Variants in ZNF654 observed in about 807,000 individuals in gnomAD.
The protein encoded by ZNF654 is melanoma-associated antigen.
In ZNF654, 19 loss-of-function variants were observed where a neutral mutation model predicts 95.3. The observed-to-expected ratio is 0.20, with a 90% CI of 0.14 to 0.29. The LOEUF (loss-of-function observed/expected upper bound fraction) is 0.29. Ranked by LOEUF, ZNF654 falls within the 10% of genes least tolerant of loss-of-function variation. The pLI is 1.00. For missense variants in ZNF654, 1,046 were observed against 1,341.0 expected, an observed-to-expected ratio of 0.78 and a Z score of 3.44; for synonymous variants, 413 against 457.9, an observed-to-expected ratio of 0.90 and a Z score of 1.25.
At chr3:88,124,964 C>T (rs1427125037) in intron 3 of ZNF654, among the ~76,000 whole-genome samples, 1 of 151,910 alleles carries the variant, frequency 6.6e-6, no homozygotes, top group African/African-American at 2.4e-5. Context: ...GCCTGTAATC[C>T]CAGCACTTTG....
chr3:88,063,554 A>G (rs1008567873), intron 1 of ZNF654, among the ~76,000 whole-genome samples: 3 of 152,210 alleles, frequency 2.0e-5, no homozygotes, highest in African/African-American at 7.2e-5. Context: ...TTATAGCTCT[A>G]TGAATAGTTT....
chr3:88,126,245 G>A lies in ZNF654; in HGVS notation c.526G>A (p.Ala176Thr). ...TCCAGTGTTGCAAGCTGTCCTTAAA[G>A]CTCAGCCAGCATCTCAGGAGATAGG... ...EDPVLQAVLK[A>T]QPASQEIVNK... is the part of the protein sequence containing the mutation. The change falls in exon 4 of 9, where the codon GCT becomes ACT. Residue 176 changes from alanine to threonine, a missense_variant. This residue lies in a region of ZNF654 where 91 missense variants were observed against 190.5 expected (regional missense o/e 0.48). Transcript: ENST00000636215. 6.6e-7 allele frequency: 1 copy of A among 1,523,154 alleles called. No individual in the cohort carries two copies. Among genetic ancestry groups the A allele is most frequent in the Non-Finnish European group, 8.8e-7 (1 of 1,139,564 alleles). The allele number at this position is 1,523,154 out of a possible 1,614,324, so 94.4% of individuals were successfully genotyped here. A position where few individuals can be genotyped will look rare whatever the true frequency, so the allele number is the denominator to read the frequency against.
chr3:88,129,002 A>G lies in ZNF654; in HGVS notation c.744A>G (p.Leu248=). ...TTATGTCACCTGTAGAAGATCAGCT[A>G]TTCCGGGAGGTATTGTTTGAGACTA... is the stretch of plus-strand genomic sequence containing the variant. The part of the protein sequence containing the change: ...CLFMSPVEDQ[L]FREHLLKTDC... Residue 248 remains leucine (L), a synonymous_variant, in exon 5 of 9, where the codon CTA becomes CTG. Coordinates refer to ENST00000636215, the MANE Select transcript of ZNF654 (RefSeq NM_001350134.2). 1 of 1,532,502 alleles carries G rather than the reference A, an allele frequency of 6.5e-7. No individual in the cohort carries two copies. Among genetic ancestry groups the G allele is most frequent in the Non-Finnish European group, 8.7e-7 (1 of 1,145,012 alleles). The allele number at this position is 1,532,502 out of a possible 1,614,324, so 94.9% of individuals were successfully genotyped here. A position where few individuals can be genotyped will look rare whatever the true frequency, so the allele number is the denominator to read the frequency against.
chr3:88,090,014 C>T (rs530911271), intron 2 of ZNF654, among the ~76,000 whole-genome samples: 7 of 152,248 alleles, frequency 4.6e-5, no homozygotes, highest in East Asian at 1.9e-4. Flanking sequence ...AACAAACCTA[C>T]GGCTCTGCCA....
At chr3:88,082,492 G>T (rs1200384940) in intron 1 of ZNF654, among the ~76,000 whole-genome samples, 2 of 152,214 alleles carry the variant, frequency 1.3e-5, no homozygotes, top group Non-Finnish European at 2.9e-5. Context: ...TTAGTGAACA[G>T]CTTGAATGAC....
Position 88,059,511 on chromosome 3 carries a change from G to T in ZNF654, c.186+6G>T. 1 of 1,466,336 alleles carries T rather than the reference G, an allele frequency of 6.8e-7. No individual in the cohort carries two copies. Among genetic ancestry groups the T allele is most frequent in the Non-Finnish European group, 8.9e-7 (1 of 1,117,366 alleles). 90.8% of individuals were successfully genotyped at this position (1,466,336 alleles called of 1,614,324 possible). On this transcript the variant is annotated splice_donor_region_variant and intron_variant, in intron 1 of 8. Coordinates refer to ENST00000636215, the MANE Select transcript of ZNF654 (RefSeq NM_001350134.2). ...ACTGCCGACGCTTCTGTCAGGTGAG[G>T]CGTCCGTTGGCCGCCCCGACTTGTC... is the stretch of plus-strand genomic sequence containing the variant.
intron 6 of ZNF654, among the ~76,000 whole-genome samples, chr3:88,133,452 G>T (rs1457107566): frequency 6.6e-6 from 1 of 152,182 alleles, no homozygotes; most frequent in East Asian, 1.9e-4. Context: ...TGATAGGCAT[G>T]AAATCAGTAA....
At chr3:88,095,579 G>A (rs748125844) in intron 2 of ZNF654, 8 of 520,250 alleles carry the variant, frequency 1.5e-5, no homozygotes, top group Admixed American at 4.0e-5. Flanking sequence ...AACATAAATT[G>A]CCACAGGAAT....
At chr3:88,080,501 A>G (rs1708023976) in intron 1 of ZNF654, among the ~76,000 whole-genome samples, 1 of 152,134 alleles carries the variant, frequency 6.6e-6, no homozygotes, top group Non-Finnish European at 1.5e-5. Flanking sequence ...GTGATATTAA[A>G]TTCATTTTAT....
chr3:88,059,268 A>ACGG lies in ZNF654; in HGVS notation c.-37_-35dup, dbSNP rs565177779. 3.0e-4 allele frequency: 458 copies of ACGG among 1,531,676 alleles called. 1 individual carries two copies. Among genetic ancestry groups the ACGG allele is most frequent in the South Asian group, 5.1e-4 (43 of 83,764 alleles). 94.9% of individuals were successfully genotyped at this position (1,531,676 alleles called of 1,614,324 possible). ...GAGGAGGAGGTTAGCCTAGGCATCT[A>ACGG]CGGCGGCGGCGGCGGCGCAGGGGCT... is the stretch of plus-strand genomic sequence containing the variant. On this transcript the variant is annotated 5_prime_UTR_variant, in exon 1 of 9. Transcript: ENST00000636215.
At chr3:88,072,169 T>C (rs1240670878) in intron 1 of ZNF654, among the ~76,000 whole-genome samples, 1 of 152,230 alleles carries the variant, frequency 6.6e-6, no homozygotes, top group Non-Finnish European at 1.5e-5. Flanking sequence ...CTAAAGGAAC[T>C]GAATTATCTA....
chr3:88,105,261 C>T (rs1169917498), intron 2 of ZNF654, among the ~76,000 whole-genome samples: 1 of 143,942 alleles, frequency 6.9e-6, no homozygotes, highest in Non-Finnish European at 1.5e-5. Flanking sequence ...TTTAGATAAA[C>T]AGATACATAC....
Position 88,128,891 on chromosome 3 carries a change from A to C in ZNF654, c.633A>C (p.Glu211Asp). 6.5e-7 allele frequency: 1 copy of C among 1,535,716 alleles called. No homozygotes were observed. Among genetic ancestry groups the C allele is most frequent in the Non-Finnish European group, 8.7e-7 (1 of 1,146,634 alleles). Reference sequence around the variant, plus strand: ...TAATTGCTTGTGAACGCATACCCGAAGCAATGGCTCTTATTAAATCTTGTA... The same window carrying C: ...TAATTGCTTGTGAACGCATACCCGACGCAATGGCTCTTATTAAATCTTGTA... ...RYLIACERIP[E>D]AMALIKSCIN... Residue 211 changes from glutamate to aspartate, a missense_variant, in exon 5 of 9, where the codon GAA (glutamate) becomes GAC (aspartate). Physicochemically the swap from Glu to Asp is conservative, Grantham distance 45. Coordinates refer to ENST00000636215, the MANE Select transcript of ZNF654 (RefSeq NM_001350134.2).
intron 1 of ZNF654, among the ~76,000 whole-genome samples, chr3:88,082,273 C>T (rs1232641940): frequency 5.9e-5 from 9 of 152,164 alleles, no homozygotes; most frequent in East Asian, 1.9e-4. Flanking sequence ...ACTACAGGCG[C>T]GTGCCACCAC....
intron 2 of ZNF654, among the ~76,000 whole-genome samples, chr3:88,100,896 AC>A (rs1704381049): frequency 6.6e-6 from 1 of 152,196 alleles, no homozygotes; most frequent in Non-Finnish European, 1.5e-5. Context: ...CCAACATGGC[AC>A]CTGTATACAT....
At chr3:88,108,288 T>C (rs1704868208) in intron 2 of ZNF654, among the ~76,000 whole-genome samples, 1 of 152,072 alleles carries the variant, frequency 6.6e-6, no homozygotes, top group Non-Finnish European at 1.5e-5. Context: ...AAGAATATAC[T>C]GGTGTAGCTA....
chr3:88,128,787 GTC>G lies in ZNF654; in HGVS notation c.551-20_551-19del, dbSNP rs1346435327. The G allele has an allele frequency of 6.8e-7, 1 of 1,480,910 alleles. No individual in the cohort carries two copies. Among genetic ancestry groups the G allele is most frequent in the South Asian group, 1.2e-5 (1 of 81,544 alleles). The allele number at this position is 1,480,910 out of a possible 1,614,324, so 91.7% of individuals were successfully genotyped here. ...AGAATCTTTTCTTGAGAGTAATAGA[GTC>G]TGTTTTCTTTTTAATATAGTGAACA... is the stretch of plus-strand genomic sequence containing the variant. On this transcript the variant is annotated intron_variant, in intron 4 of 8. Transcript: ENST00000636215.
chr3:88,103,762 CTTTTTTTTTTTT>C (rs56210218), intron 2 of ZNF654, among the ~76,000 whole-genome samples: 1 of 83,368 alleles, frequency 1.2e-5, no homozygotes, highest in African/African-American at 4.3e-5. Flanking sequence ...GATGTATTAA[CTTTTTTTTTTTT>C]TTTTTTTTTT....
In ZNF654 at chr3:88,140,525, T is replaced by C. The variant is rs1243641918; in HGVS notation, c.2856T>C (p.Asn952=). ...AACGTTCTGATGACACTGTTTCAAA[T>C]ATAAGCTTGATAGACCAAAAGATGC... ...GNERSDDTVS[N]ISLIDQKMPD... is the part of the protein sequence containing the mutation. The change falls in exon 8 of 9, where the codon AAT becomes AAC. Residue 952 remains asparagine (N), a synonymous_variant. Transcript: ENST00000636215. 2 of 1,613,752 alleles carry C rather than the reference T, an allele frequency of 1.2e-6. No homozygotes were observed. Among genetic ancestry groups the C allele is most frequent in the South Asian group, 1.1e-5 (1 of 91,064 alleles).
Sources: allele counts gnomAD v4.1 joint callset (sites outside exome capture counted in the v4.1 genomes callset), GRCh38; gene constraint gnomAD v4.1.1; regional missense constraint gnomAD v4.1.1; transcripts MANE v1.5; gene names NCBI Gene and HGNC (gene_info 2026-07-23, HGNC 2026-07-21).